The following CA10 variants were observed in gnomAD, a reference collection of about 807,000 sequenced individuals.
CA10 encodes the protein carbonic anhydrase-related protein 10.
CA10 carries 14 observed loss-of-function variants against 44.2 expected under a neutral mutation model. The ratio of observed to expected loss-of-function variants is 0.32; its 90% CI spans 0.21 to 0.50. CA10 has a LOEUF of 0.50. CA10 is among the 20% of genes least tolerant of loss of function. The pLI, the probability that CA10 is intolerant of heterozygous loss-of-function variation, is 0.99. For missense variants in CA10, 350 were observed against 409.7 expected (o/e 0.85, Z 1.26); for synonymous variants, 159 against 141.6 (o/e 1.12, Z -0.87).
intron 6 of CA10, among the ~76,000 whole-genome samples, chr17:51,643,402 GT>G (rs1183144905): frequency 6.6e-6 from 1 of 152,096 alleles, no homozygotes; most frequent in Non-Finnish European, 1.5e-5. Flanking sequence ...ATTTTTCAAT[GT>G]CATGATTTTA....
rs111872788 is a variant in CA10, at chr17:52,008,202, C to T, written c.136+64117G>A. Among the ~76,000 whole-genome samples the T allele has an allele frequency of 4.9e-3, 737 of 151,582 alleles. 2 individuals are homozygous for T. The highest frequency in any genetic ancestry group is 0.017 in the African/African-American group (696 of 41,444). On this transcript the variant is annotated intron_variant, in intron 2 of 8. Coordinates refer to ENST00000451037, the MANE Select transcript of CA10 (RefSeq NM_020178.5). ...TGCTTCTTTCCAGAGGATTCCTTTG[C>T]AAACAAAGTTCTAAACCATTTGAGG...
chr17:51,667,060 A>C (rs914324590), intron 4 of CA10, among the ~76,000 whole-genome samples: 30 of 152,262 alleles, frequency 2.0e-4, no homozygotes, highest in African/African-American at 7.2e-4. Context: ...TGAACAATCC[A>C]GGGATAGTCA....
rs148551964 is a variant in CA10 at position 51,888,480 on chromosome 17, T to C, written c.279+42510A>G. 3.9e-3 allele frequency among the ~76,000 whole-genome samples: 593 copies of C among 152,344 alleles called. 1 individual carries two copies. The highest frequency in any genetic ancestry group is 0.014 in the African/African-American group (562 of 41,584). On this transcript the variant is annotated intron_variant, in intron 3 of 8. Coordinates refer to ENST00000451037, the MANE Select transcript of CA10 (RefSeq NM_020178.5). The stretch of plus-strand genomic sequence containing the variant: ...AATGAAATAATTTGAAGGTAAACAT[T>C]GGAAAGCTCTTAAAGCATCCTAAAT...
intron 3 of CA10, among the ~76,000 whole-genome samples, chr17:51,915,240 G>T: frequency 6.6e-6 from 1 of 152,142 alleles, no homozygotes; most frequent in East Asian, 1.9e-4. Context: ...CACCATCCAC[G>T]TAGGAAATAC....
At chr17:51,660,036 G>C (rs1248454198) in intron 4 of CA10, among the ~76,000 whole-genome samples, 1 of 152,170 alleles carries the variant, frequency 6.6e-6, no homozygotes, top group African/African-American at 2.4e-5. Flanking sequence ...AGAAAATCAA[G>C]GTCTTAGTTC....
chr17:51,990,886 T>C (rs1985015750), intron 2 of CA10, among the ~76,000 whole-genome samples: 1 of 152,104 alleles, frequency 6.6e-6, no homozygotes, highest in Admixed American at 6.6e-5. Flanking sequence ...AAACCACTTG[T>C]ATCATAGATG....
chr17:52,140,528 A>AT (rs745880281), intron 1 of CA10, among the ~76,000 whole-genome samples: 1 of 151,974 alleles, frequency 6.6e-6, no homozygotes, highest in African/African-American at 2.4e-5. Context: ...TCCTCTTTTG[A>AT]TTTTTTTCCC....
chr17:52,017,805 G>A (rs1166196292), intron 2 of CA10, among the ~76,000 whole-genome samples: 1 of 152,014 alleles, frequency 6.6e-6, no homozygotes, highest in Non-Finnish European at 1.5e-5. Context: ...TCGTAGCCAA[G>A]ACAACGGGAT....
chr17:51,956,091 G>A (rs894348903), intron 2 of CA10, among the ~76,000 whole-genome samples: 5 of 152,044 alleles, frequency 3.3e-5, no homozygotes, highest in Non-Finnish European at 7.4e-5. Flanking sequence ...TTATAGAAAA[G>A]CATAAAGAAT....
chr17:51,889,051 T>G (rs1248279482), intron 3 of CA10, among the ~76,000 whole-genome samples: 3 of 152,172 alleles, frequency 2.0e-5, no homozygotes, highest in African/African-American at 4.8e-5. Context: ...TAACAACACA[T>G]GGCCTCTCTA....
intron 5 of CA10, among the ~76,000 whole-genome samples, chr17:51,651,953 C>T (rs143876469): frequency 1.3e-5 from 2 of 152,160 alleles, no homozygotes; most frequent in Non-Finnish European, 2.9e-5. Context: ...GTTATCAATG[C>T]CATAATCAGG....
intron 3 of CA10, among the ~76,000 whole-genome samples, chr17:51,836,317 T>A (rs1164897188): frequency 6.6e-6 from 1 of 152,236 alleles, no homozygotes; most frequent in Non-Finnish European, 1.5e-5. Context: ...ACTCCTCTTG[T>A]GATCTTTCTT....
intron 3 of CA10, among the ~76,000 whole-genome samples, chr17:51,763,912 C>G (rs1227145496): frequency 6.6e-6 from 1 of 151,876 alleles, no homozygotes; most frequent in Non-Finnish European, 1.5e-5. Flanking sequence ...CTTATTCTGA[C>G]CCCTCCTCTC....
chr17:51,802,956 A>G (rs1034341674), intron 3 of CA10, among the ~76,000 whole-genome samples: 1 of 152,194 alleles, frequency 6.6e-6, no homozygotes, highest in Non-Finnish European at 1.5e-5. Context: ...AGTGCGGAGT[A>G]GCAGACAGCA....
chr17:51,879,264 C>G (rs1980254204), intron 3 of CA10, among the ~76,000 whole-genome samples: 1 of 152,014 alleles, frequency 6.6e-6, no homozygotes, highest in Non-Finnish European at 1.5e-5. Context: ...TCATGTGTAG[C>G]TCTATTTCTT....
At chr17:51,846,858 T>C (rs1978518006) in intron 3 of CA10, among the ~76,000 whole-genome samples, 1 of 152,186 alleles carries the variant, frequency 6.6e-6, no homozygotes, top group African/African-American at 2.4e-5. Flanking sequence ...TTTGCGATCA[T>C]GCCCTAAAAT....
chr17:52,116,496 CT>C (rs955191811), intron 1 of CA10, among the ~76,000 whole-genome samples: 8 of 152,166 alleles, frequency 5.3e-5, no homozygotes, highest in African/African-American at 1.9e-4. Context: ...TCAGGCCCCC[CT>C]ATTAACATGG....
At chr17:52,032,492 C>T (rs762732067) in intron 2 of CA10, among the ~76,000 whole-genome samples, 3 of 152,130 alleles carry the variant, frequency 2.0e-5, no homozygotes, top group Non-Finnish European at 2.9e-5. Context: ...TAGAAAGCAG[C>T]CTCTTTCTTT....
chr17:52,100,739 T>G (rs1988518337), intron 1 of CA10, among the ~76,000 whole-genome samples: 1 of 152,142 alleles, frequency 6.6e-6, no homozygotes, highest in Non-Finnish European at 1.5e-5. Context: ...TCACTCCTCC[T>G]CCAAGGAACA....
Sources: allele counts gnomAD v4.1 joint callset (sites outside exome capture counted in the v4.1 genomes callset), GRCh38; gene constraint gnomAD v4.1.1; transcripts MANE v1.5; gene names NCBI Gene and HGNC (gene_info 2026-07-23, HGNC 2026-07-21).